Variants in TBX20 observed in about 807,000 individuals in gnomAD.
The protein encoded by TBX20 is T-box transcription factor TBX20.
A neutral mutation model predicts 42.9 loss-of-function variants in TBX20; 8 were observed. The observed-to-expected ratio is 0.19, with a 90% CI of 0.11 to 0.34. TBX20 has a LOEUF of 0.34. TBX20 is among the 10% of genes least tolerant of loss of function. The pLI is 1.00. For synonymous variants in TBX20, 198 were observed against 222.8 expected (o/e 0.89, Z 0.99); for missense variants, 411 against 566.0 (o/e 0.73, Z 2.78).
At chr7:35,235,537 A>T (rs1388960508) in intron 5 of TBX20, among the ~76,000 whole-genome samples, 9 of 152,252 alleles carry the variant, frequency 5.9e-5, no homozygotes, top group Admixed American at 5.9e-4. Flanking sequence ...TCTTAAAAGC[A>T]GCAATGTTTC....
At chr7:35,236,309 T>C (rs57639115) in intron 5 of TBX20, among the ~76,000 whole-genome samples, 52,429 of 147,308 alleles carry the variant, frequency 0.36, 9,703 homozygotes, top group Admixed American at 0.45. Context: ...TCTCTTTTCT[T>C]CTCCCTCTTT....
At chr7:35,246,606 G>A (rs1441675951) in intron 3 of TBX20, among the ~76,000 whole-genome samples, 2 of 152,010 alleles carry the variant, frequency 1.3e-5, no homozygotes, top group Non-Finnish European at 2.9e-5. Context: ...GTAATATCTT[G>A]CTTATTATTA....
intron 5 of TBX20, among the ~76,000 whole-genome samples, chr7:35,238,464 G>C (rs1790010206): frequency 6.6e-6 from 1 of 152,200 alleles, no homozygotes; most frequent in Non-Finnish European, 1.5e-5. Context: ...TTCCACATGA[G>C]AAGTGTCTAT....
chr7:35,249,562 T>C lies in TBX20; in HGVS notation c.380+389A>G, dbSNP rs1247027332. ...AAATTGAGGCTGATAAAAGGGAAGC[T>C]ACTCACCTACCTAGAAGCACCCAGC... On this transcript the variant is annotated intron_variant, in intron 2 of 7. Coordinates refer to ENST00000408931, the MANE Select transcript of TBX20 (RefSeq NM_001077653.2). The surrounding 1 kb of genome is among the most constrained non-coding windows in gnomAD (Gnocchi z 4.3). Among the ~76,000 whole-genome samples, 1 of 152,210 alleles carries C rather than the reference T, an allele frequency of 6.6e-6. No individual in the cohort carries two copies. Among genetic ancestry groups the C allele is most frequent in the East Asian group, 1.9e-4 (1 of 5,200 alleles).
chr7:35,245,271 T>C (rs1790159348), intron 3 of TBX20, among the ~76,000 whole-genome samples: 3 of 151,766 alleles, frequency 2.0e-5, no homozygotes, highest in South Asian at 2.1e-4. Flanking sequence ...AATGAGATAA[T>C]ACTTAACAAA....
chr7:35,253,720 G>A lies in TBX20; in HGVS notation c.-100C>T, dbSNP rs1790353097. On this transcript the variant is annotated 5_prime_UTR_variant, in exon 1 of 8. Transcript: ENST00000408931. ...ACCCGAAACACAGCTCAAAGTTTCC[G>A]AGAGCAGTCACAGCGGGGCCAGGGA... The A allele has an allele frequency of 2.0e-6, 3 of 1,506,032 alleles. No homozygotes were observed. Among genetic ancestry groups the A allele is most frequent in the African/African-American group, 2.8e-5 (2 of 72,310 alleles). 93.3% of individuals were successfully genotyped at this position (1,506,032 alleles called of 1,614,324 possible). A position where few individuals can be genotyped will look rare whatever the true frequency, so the allele number is the denominator to read the frequency against.
In TBX20 at chr7:35,245,029, T is replaced by C. The variant is rs901847623; in HGVS notation, c.574A>G (p.Thr192Ala). ...ATCTGTTTGAGTAGTTGCTCACCGG[T>C]AAAAGGAGAATCTGGATGCACATAG... is the stretch of plus-strand genomic sequence containing the variant. The part of the protein sequence containing the change: ...RLYVHPDSPF[T>A]GEQLLKQMVS... The change falls in exon 4 of 8, where the codon ACC (threonine) becomes GCC (alanine). Residue 192 changes from threonine to alanine, a missense_variant. This residue lies in a region of TBX20 where 121 missense variants were observed against 165.9 expected (regional missense o/e 0.73). Coordinates refer to ENST00000408931, the MANE Select transcript of TBX20 (RefSeq NM_001077653.2). The C allele has an allele frequency of 1.2e-6, 2 of 1,613,544 alleles. No homozygotes were observed. The highest frequency in any genetic ancestry group is 1.7e-6 in the Non-Finnish European group (2 of 1,179,680).
Position 35,202,560 on chromosome 7 carries a change from G to T in TBX20, c.1214C>A (p.Ser405Tyr), listed in dbSNP as rs1789320727. The change falls in exon 8 of 8, where the codon TCC (serine) becomes TAC (tyrosine). Residue 405 changes from serine (S) to tyrosine (Y), a missense_variant. By Grantham distance (144) the Ser-to-Tyr change is moderately radical. This residue lies in a region of TBX20 where 162 missense variants were observed against 205.4 expected (regional missense o/e 0.79). Coordinates refer to ENST00000408931, the MANE Select transcript of TBX20 (RefSeq NM_001077653.2). ...MPLTPSAIAS[S>Y]MQGSGPTFPS... The stretch of plus-strand genomic sequence containing the variant: ...GAATGTGGGGCCACTCCCTTGCATG[G>T]AGCTGGCAATGGCCGATGGTGTCAG... The T allele has an allele frequency of 4.3e-6, 7 of 1,614,132 alleles. No individual in the cohort carries two copies. The highest frequency in any genetic ancestry group is 5.9e-6 in the Non-Finnish European group (7 of 1,180,016).
chr7:35,216,313 T>G (rs1184851446), intron 6 of TBX20, among the ~76,000 whole-genome samples: 1 of 152,192 alleles, frequency 6.6e-6, no homozygotes, highest in African/African-American at 2.4e-5. Flanking sequence ...TGAGAATCAC[T>G]GCCCTAGTGA....
At chr7:35,208,866 T>C (rs1789447719) in intron 6 of TBX20, among the ~76,000 whole-genome samples, 1 of 151,760 alleles carries the variant, frequency 6.6e-6, no homozygotes, top group Non-Finnish European at 1.5e-5. Context: ...TCTAGGTTTT[T>C]TGTACATACA....
intron 5 of TBX20, among the ~76,000 whole-genome samples, chr7:35,235,502 TA>T (rs1789947837): frequency 6.6e-6 from 1 of 152,216 alleles, no homozygotes; most frequent in Admixed American, 6.5e-5. Context: ...AAACCAGAGA[TA>T]TGGCTTCTTT....
chr7:35,224,318 A>G (rs1789733773), intron 6 of TBX20, among the ~76,000 whole-genome samples: 1 of 152,252 alleles, frequency 6.6e-6, no homozygotes, highest in Non-Finnish European at 1.5e-5. Flanking sequence ...GATTGATACA[A>G]AAGGTCTTAA....
intron 6 of TBX20, among the ~76,000 whole-genome samples, chr7:35,216,779 C>T (rs1584343931): frequency 1.3e-5 from 2 of 152,158 alleles, no homozygotes; most frequent in East Asian, 3.9e-4. Context: ...TAAATATAGA[C>T]CTGGCAAAAC....
At chr7:35,240,271 A>G (rs1038690783) in intron 5 of TBX20, among the ~76,000 whole-genome samples, 1 of 152,184 alleles carries the variant, frequency 6.6e-6, no homozygotes, top group African/African-American at 2.4e-5. Context: ...TCAATGTTCA[A>G]AAACGTTTCA....
chr7:35,219,056 A>G (rs1156718843), intron 6 of TBX20, among the ~76,000 whole-genome samples: 1 of 152,204 alleles, frequency 6.6e-6, no homozygotes, highest in Non-Finnish European at 1.5e-5. Context: ...GTCTTTTGTT[A>G]TAACAGCCCA....
intron 5 of TBX20, among the ~76,000 whole-genome samples, chr7:35,233,868 G>A (rs1584351955): frequency 6.6e-6 from 1 of 152,174 alleles, no homozygotes. Context: ...CATGCACTGC[G>A]CTAGATGTCG....
intron 5 of TBX20, among the ~76,000 whole-genome samples, chr7:35,236,351 T>C (rs975086942): frequency 6.6e-5 from 10 of 151,708 alleles, no homozygotes; most frequent in African/African-American, 2.4e-4. Flanking sequence ...TCTAATACTA[T>C]ACCTAGTATA....
At chr7:35,245,103 C>A (rs757532618) in intron 3 of TBX20, 46 bp from the exon 4 acceptor site, 2 of 1,371,320 alleles carry the variant, frequency 1.5e-6, no homozygotes, top group South Asian at 1.2e-5. Context: ...TTTAAAAAGT[C>A]TGTCTCTGTA....
chr7:35,204,606 G>C, intron 6 of TBX20, 24 bp from the exon 7 acceptor site: 1 of 1,561,964 alleles, frequency 6.4e-7, no homozygotes, highest in African/African-American at 1.4e-5. Context: ...ACATATCACA[G>C]GTTAAGTAAA....
Sources: allele counts gnomAD v4.1 joint callset (sites outside exome capture counted in the v4.1 genomes callset), GRCh38; gene constraint gnomAD v4.1.1; regional missense constraint gnomAD v4.1.1; non-coding constraint Gnocchi (gnomAD v3.1); transcripts MANE v1.5; gene names NCBI Gene and HGNC (gene_info 2026-07-23, HGNC 2026-07-21).